The following BMPR1A variants were observed in gnomAD, a reference collection of about 807,000 sequenced individuals.
The protein encoded by BMPR1A is bone morphogenetic protein receptor type-1A.
A neutral mutation model predicts 66.0 loss-of-function variants in BMPR1A; 7 were observed. That is an observed-to-expected ratio of 0.11 (90% CI 0.06 to 0.20). The LOEUF (loss-of-function observed/expected upper bound fraction) is 0.20, where lower values mean the gene tolerates loss of function less well. Among genes scored for constraint, BMPR1A ranks in the 10% least tolerant of loss-of-function variants. The probability of loss-of-function intolerance (pLI) is 1.00; values close to 1 mark genes in which losing one functional copy is unlikely to be tolerated. For synonymous variants in BMPR1A, 200 were observed against 229.7 expected (o/e 0.87, Z 1.17); for missense variants, 408 against 669.1 (o/e 0.61, Z 4.31).
At chr10:86,883,784 A>G (rs949711499) in intron 3 of BMPR1A, among the ~76,000 whole-genome samples, 2 of 152,102 alleles carry the variant, frequency 1.3e-5, no homozygotes, top group African/African-American at 4.8e-5. Flanking sequence ...CAAAAAAAAC[A>G]AAAAGCAAAA....
intron 2 of BMPR1A, among the ~76,000 whole-genome samples, chr10:86,848,640 G>A (rs12413279): frequency 0.014 from 2,153 of 151,818 alleles, 28 homozygotes; most frequent in Admixed American, 0.039. Flanking sequence ...CTTCCATCTC[G>A]GTTACACATA....
chr10:86,769,480 G>A lies in BMPR1A; in HGVS notation c.-268+12561G>A, dbSNP rs1377005019. Among the ~76,000 whole-genome samples, 4 of 152,334 alleles carry A rather than the reference G, an allele frequency of 2.6e-5. No homozygotes were observed. In the East Asian group the frequency reaches 7.7e-4, roughly 29 times the overall value. On this transcript the variant is annotated intron_variant, in intron 1 of 12. Coordinates refer to ENST00000372037, the MANE Select transcript of BMPR1A (RefSeq NM_004329.3). Reference sequence around the variant, plus strand: ...TTTTCCTCATTCACTCAGAGTGGATGATTAGGACCTCAAAGTTACATATAA... The same window carrying A: ...TTTTCCTCATTCACTCAGAGTGGATAATTAGGACCTCAAAGTTACATATAA...
intron 2 of BMPR1A, among the ~76,000 whole-genome samples, chr10:86,865,782 G>GT (rs1842778893): frequency 6.6e-6 from 1 of 152,248 alleles, no homozygotes; most frequent in Admixed American, 6.5e-5. Context: ...TGGTCAAACT[G>GT]TATGTCCTGT....
chr10:86,872,339 T>C (rs1293260960), intron 2 of BMPR1A, among the ~76,000 whole-genome samples: 2 of 152,304 alleles, frequency 1.3e-5, no homozygotes, highest in East Asian at 1.9e-4. Context: ...ATTTACATTA[T>C]ATAATATATA....
intron 10 of BMPR1A, 85 bp downstream of exon 10, chr10:86,919,554 C>A (rs1478599958): frequency 6.5e-7 from 1 of 1,544,542 alleles, no homozygotes; most frequent in African/African-American, 1.4e-5. Flanking sequence ...TAATGGAATT[C>A]TAAAAATGTG....
intron 1 of BMPR1A, among the ~76,000 whole-genome samples, chr10:86,804,802 T>TTG (rs1234355445): frequency 1.3e-4 from 20 of 150,456 alleles, no homozygotes; most frequent in Admixed American, 4.6e-4. Context: ...GTTTTTTTTT[T>TTG]TTTTTTTTTT....
intron 1 of BMPR1A, among the ~76,000 whole-genome samples, chr10:86,759,558 A>T (rs1004204308): frequency 6.6e-6 from 1 of 152,062 alleles, no homozygotes; most frequent in African/African-American, 2.4e-5. Flanking sequence ...TTCCCATTTC[A>T]TCATATCTTG....
rs1300010256 is a variant in BMPR1A, at chr10:86,866,401, T to TTTTTTTTTTC, written c.-152-9457_-152-9456insCTTTTTTTTT. Among the ~76,000 whole-genome samples, 505 of 81,448 alleles carry TTTTTTTTTTC rather than the reference T, an allele frequency of 6.2e-3. 57 individuals carry two copies. The highest frequency in any genetic ancestry group is 0.058 in the East Asian group (147 of 2,538). The allele number at this position is 81,448 out of a possible 152,430, so 53.4% of individuals were successfully genotyped here. A position where few individuals can be genotyped will look rare whatever the true frequency, so the allele number is the denominator to read the frequency against. On this transcript the variant is annotated intron_variant, in intron 2 of 12. Coordinates refer to ENST00000372037, the MANE Select transcript of BMPR1A (RefSeq NM_004329.3). Reference sequence around the variant, plus strand: ...TGTTAAGTTGGGCAAGTTTCTTTCTTTTTTTTTTTTTTTTTTTTTTTTTTT... The same window carrying TTTTTTTTTTC: ...TGTTAAGTTGGGCAAGTTTCTTTCTTTTTTTTTTTCTTTTTTTTTTTTTTTTTTTTTTTTT...
At chr10:86,842,238 GA>G (rs1842434399) in intron 2 of BMPR1A, among the ~76,000 whole-genome samples, 2 of 152,168 alleles carry the variant, frequency 1.3e-5, no homozygotes, top group South Asian at 4.1e-4. Context: ...GTCTGATGCA[GA>G]ATTGTCTGCT....
chr10:86,861,129 C>T (rs927815928), intron 2 of BMPR1A, among the ~76,000 whole-genome samples: 4 of 152,274 alleles, frequency 2.6e-5, no homozygotes, highest in East Asian at 1.9e-4. Context: ...GCGTGAGCCA[C>T]CGCGCCTGGC....
chr10:86,914,334 T>A (rs939807834), intron 8 of BMPR1A, among the ~76,000 whole-genome samples: 6 of 152,150 alleles, frequency 3.9e-5, no homozygotes, highest in Non-Finnish European at 5.9e-5. Context: ...AAAAAATTAT[T>A]CTGACCTTGG....
chr10:86,799,465 C>T (rs902560095), intron 1 of BMPR1A, among the ~76,000 whole-genome samples: 2 of 132,762 alleles, frequency 1.5e-5, no homozygotes, highest in African/African-American at 2.9e-5. Context: ...TTTCTTCCTT[C>T]CTTTCTTCCT....
chr10:86,819,944 C>T (rs1199102839), intron 1 of BMPR1A, among the ~76,000 whole-genome samples: 1 of 152,232 alleles, frequency 6.6e-6, no homozygotes, highest in African/African-American at 2.4e-5. Context: ...ATGGTTTCTG[C>T]TAGCTCTGGC....
chr10:86,834,116 A>C (rs1192516982), intron 1 of BMPR1A, among the ~76,000 whole-genome samples: 1 of 152,196 alleles, frequency 6.6e-6, no homozygotes, highest in Non-Finnish European at 1.5e-5. Context: ...CTCCCTAGCA[A>C]ACTTACTTTC....
At chr10:86,845,958 C>T (rs1184756627) in intron 2 of BMPR1A, among the ~76,000 whole-genome samples, 1 of 151,342 alleles carries the variant, frequency 6.6e-6, no homozygotes, top group East Asian at 1.9e-4. Context: ...GATCGTGCCA[C>T]TGCACTCCAG....
chr10:86,792,932 G>C (rs1342827342), intron 1 of BMPR1A, among the ~76,000 whole-genome samples: 1 of 152,138 alleles, frequency 6.6e-6, no homozygotes, highest in Admixed American at 6.5e-5. Context: ...ATATCAAGGA[G>C]TAATTTATTA....
chr10:86,777,709 A>G (rs965615349), intron 1 of BMPR1A, among the ~76,000 whole-genome samples: 3 of 151,880 alleles, frequency 2.0e-5, no homozygotes, highest in African/African-American at 7.3e-5. Flanking sequence ...TGCAGTTACA[A>G]GCTTTTAAAA....
At chr10:86,816,425 G>A (rs1842035873) in intron 1 of BMPR1A, among the ~76,000 whole-genome samples, 1 of 152,048 alleles carries the variant, frequency 6.6e-6, no homozygotes, top group South Asian at 2.1e-4. Flanking sequence ...CCCTACCTTA[G>A]TAATTCAGTA....
intron 7 of BMPR1A, among the ~76,000 whole-genome samples, chr10:86,903,529 CA>C (rs1179951812): frequency 5.3e-5 from 8 of 151,712 alleles, no homozygotes; most frequent in Non-Finnish European, 1.0e-4. Context: ...TTGGAGTTCC[CA>C]GAAGAGAGGA....
Sources: allele counts gnomAD v4.1 joint callset (sites outside exome capture counted in the v4.1 genomes callset), GRCh38; gene constraint gnomAD v4.1.1; transcripts MANE v1.5; gene names NCBI Gene and HGNC (gene_info 2026-07-23, HGNC 2026-07-21).